CAST: variants seen among roughly 807,000 people sequenced by gnomAD.
CAST encodes MIR583 host.
In CAST, 76 loss-of-function variants were observed where a neutral mutation model predicts 119.6. The observed-to-expected ratio is 0.64, with a 90% confidence interval of 0.53 to 0.77. CAST has a LOEUF of 0.77. Among genes scored for constraint, CAST ranks in the 30% least tolerant of loss-of-function variants. The probability of loss-of-function intolerance (pLI) is 0.00; values close to 1 mark genes in which losing one functional copy is unlikely to be tolerated. For missense variants in CAST, 953 were observed against 946.5 expected (o/e 1.01, Z -0.09); for synonymous variants, 319 against 331.6 (o/e 0.96, Z 0.41).
At chr5:96,417,283 TC>T in the CAST span, among the ~76,000 whole-genome samples, 1 of 152,180 alleles carries the variant, frequency 6.6e-6, no homozygotes, top group East Asian at 1.9e-4. Flanking sequence ...TCCTGCTCCT[TC>T]ATGTTAATCC....
chr5:96,303,870 T>G, the CAST span, among the ~76,000 whole-genome samples: 6 of 152,220 alleles, frequency 3.9e-5, no homozygotes, highest in Non-Finnish European at 7.3e-5. Context: ...TTGGGTTGGT[T>G]CCAAGTCTTT....
At chr5:96,467,946 G>A in the CAST span, among the ~76,000 whole-genome samples, 1 of 152,070 alleles carries the variant, frequency 6.6e-6, no homozygotes, top group African/African-American at 2.4e-5. Flanking sequence ...TATGTTTATT[G>A]TAGCACAATT....
the CAST span, among the ~76,000 whole-genome samples, chr5:96,082,349 G>A: frequency 2.6e-5 from 4 of 152,258 alleles, no homozygotes; most frequent in African/African-American, 9.6e-5. Flanking sequence ...TGCTTTCACA[G>A]CCCTATGGAC....
chr5:96,757,297 T>G, intron 22 of CAST, 147 bp from the exon 23 acceptor site: 5 of 773,390 alleles, frequency 6.5e-6, no homozygotes, highest in South Asian at 1.7e-5. Context: ...TATTCTCTGG[T>G]GAGAGAATCC....
At chr5:96,362,129 C>T in the CAST span, among the ~76,000 whole-genome samples, 3 of 151,958 alleles carry the variant, frequency 2.0e-5, no homozygotes, top group Non-Finnish European at 4.4e-5. Flanking sequence ...TGATGGTTTC[C>T]AGCTTCATCC....
At chr5:96,433,171 C>A in the CAST span, 42 of 901,962 alleles carry the variant, frequency 4.7e-5, no homozygotes, top group African/African-American at 2.1e-4. Flanking sequence ...GGTTGCTCTG[C>A]GAAGAGCTAG....
At chr5:96,044,872 A>G in the CAST span, among the ~76,000 whole-genome samples, 1 of 152,218 alleles carries the variant, frequency 6.6e-6, no homozygotes, top group South Asian at 2.1e-4. Flanking sequence ...ACTAAAGAGT[A>G]TATAATATAT....
chr5:96,554,277 CA>C (rs1258538876), intron 1 of CAST, among the ~76,000 whole-genome samples: 1 of 152,222 alleles, frequency 6.6e-6, no homozygotes, highest in Non-Finnish European at 1.5e-5. Flanking sequence ...TGATCTTTGA[CA>C]AACTTGACAC....
At chr5:96,069,023 A>T in the CAST span, among the ~76,000 whole-genome samples, 1 of 151,478 alleles carries the variant, frequency 6.6e-6, no homozygotes, top group Non-Finnish European at 1.5e-5. Context: ...GTGTATAACC[A>T]GATGTATATG....
chr5:96,729,295 C>T, intron 7 of CAST, 86 bp downstream of exon 7: 1 of 764,308 alleles, frequency 1.3e-6, no homozygotes, highest in East Asian at 2.5e-5. Context: ...CAAAACTAAT[C>T]CCTACAATGG....
At chr5:96,491,866 G>T in the CAST span, among the ~76,000 whole-genome samples, 2 of 152,174 alleles carry the variant, frequency 1.3e-5, no homozygotes, top group African/African-American at 4.8e-5. Context: ...AAACATAATT[G>T]GCGAGAAAGT....
chr5:96,662,375 C>A, upstream of CAST: 1 of 1,402,200 alleles, frequency 7.1e-7, no homozygotes, highest in South Asian at 1.5e-5. Flanking sequence ...GCCTCCCCGC[C>A]ACTCTCCGCG....
chr5:96,534,743 A>AGAGAAAGAGAAAG lies in CAST; in HGVS notation c.60+4863_60+4864insGAGAAAGAGAAAG, dbSNP rs1554066267. Among the ~76,000 whole-genome samples, 119 of 56,598 alleles carry AGAGAAAGAGAAAG rather than the reference A, an allele frequency of 2.1e-3. 24 individuals are homozygous for AGAGAAAGAGAAAG. Among genetic ancestry groups the AGAGAAAGAGAAAG allele is most frequent in the South Asian group, 9.9e-3 (11 of 1,108 alleles). The allele number at this position is 56,598 out of a possible 152,430, so 37.1% of individuals were successfully genotyped here. On this transcript the variant is annotated intron_variant, in intron 1 of 11. Transcript: ENST00000505143. The stretch of plus-strand genomic sequence containing the variant: ...AGAGAGAGAGAGAGAGAGAGAGAGA[A>AGAGAAAGAGAAAG]AGAAAGAAAGAAAGAAAGAAAGAAA...
chr5:96,211,989 T>C, the CAST span, among the ~76,000 whole-genome samples: 1 of 152,112 alleles, frequency 6.6e-6, no homozygotes, highest in East Asian at 1.9e-4. Flanking sequence ...CCTGTTGTAT[T>C]AGTATTGGTA....
At chr5:96,593,769 T>C (rs1454147271) in intron 1 of CAST, among the ~76,000 whole-genome samples, 4 of 152,172 alleles carry the variant, frequency 2.6e-5, no homozygotes, top group African/African-American at 7.2e-5. Context: ...CTTTCCACCA[T>C]GTGGGAATCC....
the CAST span, among the ~76,000 whole-genome samples, chr5:96,034,975 T>C: frequency 2.7e-5 from 4 of 149,370 alleles, no homozygotes; most frequent in Non-Finnish European, 5.9e-5. Flanking sequence ...TAGTATTCCA[T>C]TGTGTTTATA....
chr5:96,457,280 A>T, the CAST span, among the ~76,000 whole-genome samples: 4 of 152,110 alleles, frequency 2.6e-5, no homozygotes, highest in African/African-American at 9.7e-5. Context: ...CATCACTCTT[A>T]TTTAAACTAC....
At chr5:96,307,688 T>C in the CAST span, among the ~76,000 whole-genome samples, 4 of 152,298 alleles carry the variant, frequency 2.6e-5, no homozygotes, top group South Asian at 8.3e-4. Context: ...CCATAAAGGA[T>C]TTTATTTCTC....
At chr5:96,425,004 AAAGAAAAGAAAGAAAGAAAGAAAG>A in the CAST span, among the ~76,000 whole-genome samples, 9 of 127,818 alleles carry the variant, frequency 7.0e-5, no homozygotes, top group Non-Finnish European at 1.1e-4. Context: ...AAAGAGAAAG[AAAGAAAAGAAAGAAAGAAAGAAAG>A]AAAGAAAGAA....
Sources: allele counts gnomAD v4.1 joint callset (sites outside exome capture counted in the v4.1 genomes callset), GRCh38; gene constraint gnomAD v4.1.1; transcripts MANE v1.5; gene names NCBI Gene and HGNC (gene_info 2026-07-23, HGNC 2026-07-21).